Variants in ADAM7 observed in about 807,000 individuals in gnomAD.
ADAM7 encodes disintegrin and metalloproteinase domain-containing protein 7.
Under a neutral mutation model 102.9 loss-of-function variants are expected in ADAM7, and 97 were observed. That is an observed-to-expected ratio of 0.94 (90% CI 0.80 to 1.12). The LOEUF (loss-of-function observed/expected upper bound fraction) is 1.12, where lower values mean the gene tolerates loss of function less well. Ranked by LOEUF, ADAM7 falls within the 50% of genes most tolerant of loss-of-function variation. The pLI is 0.00. For synonymous variants in ADAM7, 334 were observed against 304.4 expected, an observed-to-expected ratio of 1.10 and a Z score of -1.01; for missense variants, 991 against 908.7, an observed-to-expected ratio of 1.09 and a Z score of -1.16.
chr8:24,461,730 A>G (rs1819249138), intron 3 of ADAM7, among the ~76,000 whole-genome samples: 1 of 151,912 alleles, frequency 6.6e-6, no homozygotes, highest in East Asian at 1.9e-4. Flanking sequence ...TTAATCTCTC[A>G]TTGAGTTTGT....
At position 24,458,085 on chromosome 8, in the gene ADAM7, T is replaced by A. The variant is rs928606970; in HGVS notation, c.234-5797T>A. Reference sequence around the variant, plus strand: ...TCTGTAAGCCATGGCCAAACTGCCTTGATTACTGCAGCTTTTTAGTATACT... The same window carrying A: ...TCTGTAAGCCATGGCCAAACTGCCTAGATTACTGCAGCTTTTTAGTATACT... On this transcript the variant is annotated intron_variant, in intron 3 of 21. Coordinates refer to ENST00000175238, the MANE Select transcript of ADAM7 (RefSeq NM_003817.4). 3.9e-5 allele frequency among the ~76,000 whole-genome samples: 6 copies of A among 152,352 alleles called. No homozygotes were observed. In the East Asian group the frequency reaches 5.8e-4, roughly 15 times the overall value.
chr8:24,493,140 G>T lies in ADAM7; in HGVS notation c.1753G>T (p.Ala585Ser). Residue 585 changes from alanine (A) to serine (S), a missense_variant, in exon 16 of 22, where the codon GCT becomes TCT. Physicochemically the swap from Ala to Ser is moderately conservative, Grantham distance 99. Transcript: ENST00000175238. ...TYHLKDPQKN[A>S]TVKCKTIFLY... ...TCACCTTAAGGATCCCCAGAAGAATGCTACTGTCAAATGCAAAACTATTTT... is the reference window on the plus strand; with the variant it reads ...TCACCTTAAGGATCCCCAGAAGAATTCTACTGTCAAATGCAAAACTATTTT... The T allele has an allele frequency of 1.2e-6, 2 of 1,613,422 alleles. No homozygotes were observed. The highest frequency in any genetic ancestry group is 1.7e-6 in the Non-Finnish European group (2 of 1,179,638).
At chr8:24,484,985 C>T (rs192955215) in intron 9 of ADAM7, among the ~76,000 whole-genome samples, 4,240 of 151,404 alleles carry the variant, frequency 0.028, 217 homozygotes, top group African/African-American at 0.098. Context: ...TTTGTATTTT[C>T]AGTAGAGATG....
At chr8:24,457,781 T>C (rs779937040) in intron 3 of ADAM7, among the ~76,000 whole-genome samples, 1 of 152,180 alleles carries the variant, frequency 6.6e-6, no homozygotes, top group Non-Finnish European at 1.5e-5. Context: ...ATATTGTATG[T>C]TTGCTTCTAA....
rs1320651222 is a variant in ADAM7, at chr8:24,508,778, G to A, written c.*232G>A. 1 of 1,348,462 alleles carries A rather than the reference G, an allele frequency of 7.4e-7. No homozygotes were observed. Among genetic ancestry groups the A allele is most frequent in the Non-Finnish European group, 9.5e-7 (1 of 1,049,432 alleles). The allele number at this position is 1,348,462 out of a possible 1,614,324, so 83.5% of individuals were successfully genotyped here. On this transcript the variant is annotated 3_prime_UTR_variant, in exon 22 of 22. Transcript: ENST00000175238. ...TGCTGCAGAAAAAAAATGTCTTGTG[G>A]TCTTTCAAATGCTCTTTAGCACAAT...
At chr8:24,491,811 T>C (rs1820367702) in intron 13 of ADAM7, 92 bp from the exon 14 acceptor site, 1 of 1,120,772 alleles carries the variant, frequency 8.9e-7, no homozygotes, top group East Asian at 2.7e-5. Context: ...TTAAAACCTT[T>C]TTTGGATGAA....
chr8:24,503,663 T>G (rs527329851), intron 20 of ADAM7, among the ~76,000 whole-genome samples: 1 of 152,256 alleles, frequency 6.6e-6, no homozygotes, highest in Admixed American at 6.6e-5. Context: ...AAAGAAAATG[T>G]GGCATATATA....
chr8:24,506,016 G>A, intron 20 of ADAM7: 1 of 1,131,382 alleles, frequency 8.8e-7, no homozygotes, highest in Admixed American at 2.0e-5. Context: ...ATCTACACAA[G>A]AATATTATGT....
chr8:24,501,628 T>C, intron 20 of ADAM7, 52 bp downstream of exon 20: 1 of 1,332,966 alleles, frequency 7.5e-7, no homozygotes, highest in Non-Finnish European at 1.0e-6. Flanking sequence ...TTTTTTTAAG[T>C]AGCTGAATGT....
At chr8:24,464,694 A>G (rs1819365480) in intron 4 of ADAM7, among the ~76,000 whole-genome samples, 1 of 152,222 alleles carries the variant, frequency 6.6e-6, no homozygotes, top group Non-Finnish European at 1.5e-5. Flanking sequence ...TCCGCCTCCC[A>G]GGTTCAAGCG....
At chr8:24,490,623 T>G in intron 12 of ADAM7, 176 bp from the exon 13 acceptor site, 2 of 591,376 alleles carry the variant, frequency 3.4e-6, no homozygotes, top group Admixed American at 3.2e-5. Flanking sequence ...GAAGGAGAAA[T>G]AGTTAAAGTC....
In ADAM7 at chr8:24,441,119, G is replaced by A. The variant is rs145904487; in HGVS notation, c.11G>A (p.Gly4Glu). 1.3e-5 allele frequency: 21 copies of A among 1,613,588 alleles called. No homozygotes were observed. The highest frequency in any genetic ancestry group is 1.5e-5 in the Non-Finnish European group (18 of 1,179,726). ...CCAGAATCACTCAGAATGCTTCCCG[G>A]GTGTATATTCTTGATGATTTTACTC... is the stretch of plus-strand genomic sequence containing the variant. MLP[G>E]CIFLMILLIP... Residue 4 changes from glycine (G) to glutamate (E), a missense_variant, in exon 1 of 22, where the codon GGG (glycine) becomes GAG (glutamate). By Grantham distance (98) the Gly-to-Glu change is moderately conservative. Coordinates refer to ENST00000175238, the MANE Select transcript of ADAM7 (RefSeq NM_003817.4).
intron 17 of ADAM7, among the ~76,000 whole-genome samples, chr8:24,499,720 C>G (rs1820682419): frequency 1.3e-5 from 2 of 151,864 alleles, no homozygotes; most frequent in Admixed American, 1.3e-4. Flanking sequence ...TATATTAACA[C>G]TAATACCAAC....
intron 3 of ADAM7, among the ~76,000 whole-genome samples, chr8:24,453,724 G>A (rs145874942): frequency 0.064 from 9,740 of 152,212 alleles, 339 homozygotes; most frequent in Middle Eastern, 0.11. Flanking sequence ...GAGGAGAGGC[G>A]CTCTCCTTTA....
intron 12 of ADAM7, chr8:24,490,598 C>T (rs183660808): frequency 1.1e-5 from 6 of 547,830 alleles, no homozygotes; most frequent in Non-Finnish European, 2.0e-5. Context: ...CCGTAATGTA[C>T]CAAACAGCAC....
rs768513301 is a variant in ADAM7, at chr8:24,509,072, CAGA to C, written c.*531_*533del. The C allele has an allele frequency of 9.8e-5, 97 of 986,190 alleles. No homozygotes were observed. The highest frequency in any genetic ancestry group is 1.1e-4 in the Non-Finnish European group (94 of 830,684). The allele number at this position is 986,190 out of a possible 1,614,324, so 61.1% of individuals were successfully genotyped here. A position where few individuals can be genotyped will look rare whatever the true frequency, so the allele number is the denominator to read the frequency against. On this transcript the variant is annotated 3_prime_UTR_variant, in exon 22 of 22. Transcript: ENST00000175238. ...TCTAGGTAATTAAAAGTGAAAGAGG[CAGA>C]AGAATAGTGGACAGAACTGCAGGAT...
intron 7 of ADAM7, among the ~76,000 whole-genome samples, chr8:24,472,956 T>C (rs1819655977): frequency 6.6e-6 from 1 of 152,060 alleles, no homozygotes; most frequent in Non-Finnish European, 1.5e-5. Context: ...TGAAGAACTA[T>C]GTGCCAATAA....
rs150836156 is a variant in ADAM7, at chr8:24,442,558, C to T, written c.138C>T (p.Thr46=). The T allele has an allele frequency of 6.2e-7, 1 of 1,613,672 alleles. No homozygotes were observed. The highest frequency in any genetic ancestry group is 1.7e-5 in the Admixed American group (1 of 60,002). The change falls in exon 2 of 22, where the codon ACC becomes ACT. Residue 46 remains threonine (T), a synonymous_variant. Coordinates refer to ENST00000175238, the MANE Select transcript of ADAM7 (RefSeq NM_003817.4). ...PLIQKRDTGH[T]HDDDILKTYE... ...TACAGAAGCGAGATACTGGACACAC[C>T]CATGATGATGACATACTGGTACAAG... is the stretch of plus-strand genomic sequence containing the variant.
intron 7 of ADAM7, among the ~76,000 whole-genome samples, chr8:24,474,976 A>G (rs1469325048): frequency 1.3e-5 from 2 of 152,108 alleles, no homozygotes; most frequent in Non-Finnish European, 2.9e-5. Context: ...AAATAAGGAA[A>G]CCAAAGGCAG....
Sources: allele counts gnomAD v4.1 joint callset (sites outside exome capture counted in the v4.1 genomes callset), GRCh38; gene constraint gnomAD v4.1.1; transcripts MANE v1.5; gene names NCBI Gene and HGNC (gene_info 2026-07-23, HGNC 2026-07-21).